MDGA2: variants seen among roughly 807,000 people sequenced by gnomAD.
The protein encoded by MDGA2 is MAM domain containing glycosylphosphatidylinositol anchor 2.
In MDGA2, 40 loss-of-function variants were observed where a neutral mutation model predicts 117.8. The observed-to-expected ratio is 0.34, with a 90% CI of 0.26 to 0.44. MDGA2 has a LOEUF of 0.44. Ranked by LOEUF, MDGA2 falls within the 20% of genes least tolerant of loss-of-function variation. The probability of loss-of-function intolerance (pLI) is 1.00; values close to 1 mark genes in which losing one functional copy is unlikely to be tolerated. For missense variants in MDGA2, 1,123 were observed against 1,250.6 expected, an observed-to-expected ratio of 0.90 and a Z score of 1.54; for synonymous variants, 452 against 439.0, an observed-to-expected ratio of 1.03 and a Z score of -0.37.
intron 1 of MDGA2, among the ~76,000 whole-genome samples, chr14:47,563,510 T>TA (rs1490322791): frequency 4.6e-5 from 7 of 150,792 alleles, no homozygotes; most frequent in Non-Finnish European, 8.9e-5. Flanking sequence ...TCTTCACCTT[T>TA]AAAAAAATTT....
intron 1 of MDGA2, among the ~76,000 whole-genome samples, chr14:47,672,603 T>G (rs1191479636): frequency 6.6e-6 from 1 of 151,946 alleles, no homozygotes; most frequent in Non-Finnish European, 1.5e-5. Flanking sequence ...CATCACCCCA[T>G]CACACACACA....
intron 11 of MDGA2, among the ~76,000 whole-genome samples, chr14:46,879,587 C>T (rs1300879840): frequency 1.3e-5 from 2 of 152,066 alleles, no homozygotes; most frequent in Admixed American, 6.6e-5. Flanking sequence ...AGTTTGTTGC[C>T]TCAGAGTTTT....
At chr14:47,067,694 G>A (rs1294763376) in intron 6 of MDGA2, among the ~76,000 whole-genome samples, 1 of 152,134 alleles carries the variant, frequency 6.6e-6, no homozygotes, top group Admixed American at 6.5e-5. Flanking sequence ...GCATTAAAGA[G>A]GAGTTAAATG....
chr14:47,168,450 C>A (rs184836256), intron 3 of MDGA2, among the ~76,000 whole-genome samples: 2 of 152,040 alleles, frequency 1.3e-5, no homozygotes, highest in East Asian at 1.9e-4. Context: ...CACAACTCTT[C>A]AGATTCTTTT....
Position 47,155,888 on chromosome 14 carries a change from C to CTTTTTTTTTTTTTTTTTTTTTTTT in MDGA2, c.596-11638_596-11615dup, listed in dbSNP as rs55827732. 4.7e-4 allele frequency among the ~76,000 whole-genome samples: 19 copies of CTTTTTTTTTTTTTTTTTTTTTTTT among 40,154 alleles called. 3 individuals carry two copies. The highest frequency in any genetic ancestry group is 7.8e-4 in the Non-Finnish European group (18 of 23,066). 26.3% of individuals were successfully genotyped at this position (40,154 alleles called of 152,430 possible). Reference sequence around the variant, plus strand: ...ATTCTTTTCTTTTCTTCTTCTTCTTCTTTTTTTTTTTTTTTTTTTTTTTTT... The same window carrying CTTTTTTTTTTTTTTTTTTTTTTTT: ...ATTCTTTTCTTTTCTTCTTCTTCTTCTTTTTTTTTTTTTTTTTTTTTTTTTTTTTTTTTTTTTTTTTTTTTTTTT... On this transcript the variant is annotated intron_variant, in intron 3 of 16. Transcript: ENST00000399232.
chr14:47,562,706 G>T (rs1895840120), intron 1 of MDGA2, among the ~76,000 whole-genome samples: 1 of 152,040 alleles, frequency 6.6e-6, no homozygotes, highest in South Asian at 2.1e-4. Flanking sequence ...TTTGGTGTGG[G>T]TTTTTGCATT....
At chr14:47,075,487 A>C (rs1039851344) in intron 6 of MDGA2, among the ~76,000 whole-genome samples, 1 of 152,332 alleles carries the variant, frequency 6.6e-6, no homozygotes, top group African/African-American at 2.4e-5. Flanking sequence ...AATTTGTTCC[A>C]TTTTGTCAAT....
At chr14:47,028,555 G>T (rs1202495685) in intron 8 of MDGA2, among the ~76,000 whole-genome samples, 3 of 152,100 alleles carry the variant, frequency 2.0e-5, no homozygotes, top group African/African-American at 7.2e-5. Flanking sequence ...GCTCTAAATT[G>T]TCTTCTACAT....
chr14:47,321,876 T>C (rs1375615189), intron 1 of MDGA2, among the ~76,000 whole-genome samples: 2 of 152,304 alleles, frequency 1.3e-5, no homozygotes, highest in East Asian at 3.9e-4. Context: ...AAAAAAAGAA[T>C]GTTTCTTTAA....
intron 8 of MDGA2, among the ~76,000 whole-genome samples, chr14:47,012,862 A>G (rs1887943789): frequency 6.6e-6 from 1 of 152,174 alleles, no homozygotes; most frequent in Non-Finnish European, 1.5e-5. Context: ...GCATATAAAA[A>G]TTACATTTAC....
chr14:47,195,813 A>G (rs1885269386), intron 3 of MDGA2, among the ~76,000 whole-genome samples: 1 of 152,094 alleles, frequency 6.6e-6, no homozygotes, highest in Non-Finnish European at 1.5e-5. Flanking sequence ...GCATTTATAG[A>G]AAGTCATCTG....
intron 2 of MDGA2, among the ~76,000 whole-genome samples, chr14:47,286,258 T>C (rs1459647687): frequency 1.3e-5 from 2 of 152,130 alleles, no homozygotes; most frequent in African/African-American, 4.8e-5. Flanking sequence ...TGAATTGTTT[T>C]GAAATGTAGA....
At chr14:47,325,278 C>T (rs1489694119) in intron 1 of MDGA2, among the ~76,000 whole-genome samples, 4 of 152,098 alleles carry the variant, frequency 2.6e-5, no homozygotes, top group Admixed American at 1.3e-4. Context: ...ATGATTGCCT[C>T]CATCCATTTA....
intron 3 of MDGA2, among the ~76,000 whole-genome samples, chr14:47,193,138 C>A (rs1885173671): frequency 1.3e-5 from 2 of 152,116 alleles, no homozygotes; most frequent in African/African-American, 4.8e-5. Flanking sequence ...CTTTCTCAGT[C>A]CTCTCGAAAA....
At chr14:46,959,438 A>G (rs1332179023) in intron 8 of MDGA2, among the ~76,000 whole-genome samples, 1 of 151,822 alleles carries the variant, frequency 6.6e-6, no homozygotes, top group East Asian at 1.9e-4. Context: ...TTTTATTCTT[A>G]TACTTTCAGT....
intron 11 of MDGA2, among the ~76,000 whole-genome samples, chr14:46,881,275 T>G (rs750058164): frequency 1.5e-4 from 23 of 152,154 alleles, no homozygotes; most frequent in Non-Finnish European, 2.8e-4. Flanking sequence ...CACTACATGC[T>G]GTATGATTCC....
chr14:47,424,215 G>A (rs1892638455), intron 1 of MDGA2, among the ~76,000 whole-genome samples: 1 of 152,116 alleles, frequency 6.6e-6, no homozygotes. Context: ...GAGTATAGGA[G>A]TTTGAGACCA....
chr14:47,279,546 A>G (rs1888407882), intron 2 of MDGA2, among the ~76,000 whole-genome samples: 1 of 152,132 alleles, frequency 6.6e-6, no homozygotes, highest in South Asian at 2.1e-4. Flanking sequence ...GATTTTCCCT[A>G]GACATATTTT....
rs577870622 is a variant in MDGA2, at chr14:47,517,495, T to C, written c.280+157022A>G. Among the ~76,000 whole-genome samples the C allele has an allele frequency of 4.6e-5, 7 of 152,198 alleles. No homozygotes were observed. The East Asian group carries it at 1.4e-3, about 29-fold the overall frequency. ...TAATCTTCATTTTAAAAAAGCAATA[T>C]GCAAATCACAGATGAGATTTGAAAA... On this transcript the variant is annotated intron_variant, in intron 1 of 16. Transcript: ENST00000399232.
Sources: gnomAD v4.1 joint callset for allele counts (sites outside exome capture counted in the v4.1 genomes callset) on GRCh38, gnomAD v4.1.1 for gene constraint, MANE v1.5 for transcripts, NCBI Gene and HGNC (gene_info 2026-07-23, HGNC 2026-07-21) for gene names.